EDEM3: variants seen among roughly 807,000 people sequenced by gnomAD.
The protein encoded by EDEM3 is ER degradation enhancing alpha-mannosidase like protein 3, also known as ER degradation-enhancing alpha-mannosidase-like protein 3.
A neutral mutation model predicts 110.2 loss-of-function variants in EDEM3; 60 were observed. That is an observed-to-expected ratio of 0.54 (90% confidence interval 0.44 to 0.67). The LOEUF is 0.67. EDEM3 is among the 30% of genes least tolerant of loss of function. The pLI is 0.00. For synonymous variants in EDEM3, 352 were observed against 382.9 expected (o/e 0.92, Z 0.94); for missense variants, 996 against 1,121.0 (o/e 0.89, Z 1.59).
intron 2 of EDEM3, among the ~76,000 whole-genome samples, chr1:184,738,825 T>C (rs1651975909): frequency 6.6e-6 from 1 of 152,200 alleles, no homozygotes; most frequent in Non-Finnish European, 1.5e-5. Flanking sequence ...GAGACTCTCA[T>C]ACATTATGTT....
At position 184,707,871 on chromosome 1, in the gene EDEM3, A is replaced by C. The variant is rs187756854; in HGVS notation, c.2037+282T>G. On this transcript the variant is annotated intron_variant, in intron 17 of 19. Transcript: ENST00000318130. The stretch of plus-strand genomic sequence containing the variant: ...TTCTAGTGGCTCTTAGAAAGTCTGA[A>C]AACCATTTTTAGATCAATTACAGGT... Among the ~76,000 whole-genome samples the C allele has an allele frequency of 8.5e-4, 130 of 152,328 alleles. 1 individual carries two copies. In the East Asian group the frequency reaches 0.022, roughly 26 times the overall value.
chr1:184,734,579 T>A lies in EDEM3; in HGVS notation c.410A>T (p.Asp137Val), dbSNP rs1168145724. 6.4e-7 allele frequency: 1 copy of A among 1,558,564 alleles called. No homozygotes were observed. The highest frequency in any genetic ancestry group is 8.7e-7 in the Non-Finnish European group (1 of 1,150,496). ...VRKVLRDVNL[D>V]NDVVVSVFET... ...AAAGACTGATACGACTACATCGTTA[T>A]CTAAATTAACATCTCTTAAAACTTT... The change falls in exon 5 of 20, where the codon GAT (aspartate) becomes GTT (valine). Residue 137 changes from aspartate to valine, a missense_variant. This residue lies in a region of EDEM3 where 200 missense variants were observed against 183.8 expected (regional missense o/e 1.09). Coordinates refer to ENST00000318130, the MANE Select transcript of EDEM3 (RefSeq NM_025191.4).
In EDEM3 at chr1:184,712,585, A is replaced by C. The variant is rs1650312889; in HGVS notation, c.1384T>G (p.Phe462Val). 1 of 1,535,006 alleles carries C rather than the reference A, an allele frequency of 6.5e-7. No individual in the cohort carries two copies. The highest frequency in any genetic ancestry group is 1.2e-5 in the South Asian group (1 of 82,380). The stretch of plus-strand genomic sequence containing the variant: ...AGATATTTAAACATTTCAGCCAAGA[A>C]GAAAGAATCCATTCTAAAATAAAAA... ...GSHEDRMDSFFLAEMFKYLYL... is the reference protein window; with the variant it reads ...GSHEDRMDSFVLAEMFKYLYL... Residue 462 changes from phenylalanine (F) to valine (V), a missense_variant, in exon 14 of 20, where the codon TTC becomes GTC. Transcript: ENST00000318130.
chr1:184,701,156 C>T (rs900411379), intron 19 of EDEM3, among the ~76,000 whole-genome samples: 3 of 151,986 alleles, frequency 2.0e-5, no homozygotes, highest in East Asian at 3.9e-4. Flanking sequence ...ACCATACACA[C>T]ACATGAGCTT....
Position 184,754,825 on chromosome 1 carries a change from C to A in EDEM3, c.-179G>T, listed in dbSNP as rs557485599. The A allele has an allele frequency of 1.3e-4, 135 of 1,029,142 alleles. 1 individual carries two copies. The African/African-American group carries it at 2.1e-3, about 16-fold the overall frequency. 63.8% of individuals were successfully genotyped at this position (1,029,142 alleles called of 1,614,324 possible). On this transcript the variant is annotated 5_prime_UTR_variant, in exon 1 of 20. Coordinates refer to ENST00000318130, the MANE Select transcript of EDEM3 (RefSeq NM_025191.4). ...ACCAAGCCGGTCCCCAGCGCCAGCG[C>A]TGCCACCGCCCTCCGCCCTCAGTAT...
At chr1:184,719,299 C>A in intron 10 of EDEM3, 54 bp from the exon 11 acceptor site, 2 of 1,500,744 alleles carry the variant, frequency 1.3e-6, no homozygotes, top group South Asian at 1.3e-5. Context: ...GATTTTATCT[C>A]TAATCATTAC....
At chr1:184,732,151 A>G (rs1571399579) in intron 6 of EDEM3, among the ~76,000 whole-genome samples, 1 of 152,122 alleles carries the variant, frequency 6.6e-6, no homozygotes, top group South Asian at 2.1e-4. Context: ...ACTTCAGCCT[A>G]GGTGACAGTG....
In EDEM3 at chr1:184,712,437, TTC is replaced by T; in HGVS notation, c.1530_1531del (p.Asn511HisfsTer10). The stretch of plus-strand genomic sequence containing the variant: ...ACATTTCATTTAAAAACTCACTGTG[TTC>T]TTTTTAGAGATGCTTTGATTTGTAG... On this transcript the variant is annotated frameshift_variant, in exon 14 of 20. Transcript: ENST00000318130. LOFTEE classifies it high-confidence loss of function. The T allele has an allele frequency of 6.3e-7, 1 of 1,585,892 alleles. No homozygotes were observed. Among genetic ancestry groups the T allele is most frequent in the Non-Finnish European group, 8.5e-7 (1 of 1,172,430 alleles).
At chr1:184,720,509 C>CTTTTTTTGTTTTTTTTTTTTTTTT (rs1650833986) in intron 9 of EDEM3, 1 of 127,458 alleles carries the variant, frequency 7.8e-6, no homozygotes, top group African/African-American at 3.2e-5. Flanking sequence ...ATCTCCCATA[C>CTTTTTTTGTTTTTTTTTTTTTTTT]TTTTTTTTTT....
At chr1:184,711,045 C>T (rs572806666) in intron 15 of EDEM3, among the ~76,000 whole-genome samples, 104 of 152,142 alleles carry the variant, frequency 6.8e-4, no homozygotes, top group African/African-American at 2.5e-3. Context: ...AAATCAAATC[C>T]AAACAAACAA....
At chr1:184,730,368 G>C (rs1399711792) in intron 6 of EDEM3, among the ~76,000 whole-genome samples, 1 of 152,150 alleles carries the variant, frequency 6.6e-6, no homozygotes, top group African/African-American at 2.4e-5. Context: ...GATCTCTTAA[G>C]CCCAGGAGTC....
intron 2 of EDEM3, among the ~76,000 whole-genome samples, chr1:184,746,795 C>T (rs1652452454): frequency 6.6e-6 from 1 of 152,074 alleles, no homozygotes; most frequent in Non-Finnish European, 1.5e-5. Flanking sequence ...GTAGACCAGA[C>T]TGGAGAGTAG....
At chr1:184,699,662 G>T (rs188837321) in intron 19 of EDEM3, among the ~76,000 whole-genome samples, 133 of 151,902 alleles carry the variant, frequency 8.8e-4, no homozygotes, top group African/African-American at 3.1e-3. Context: ...CAGGAAAAGT[G>T]ACCCTGCCTG....
At chr1:184,744,783 C>T (rs555430310) in intron 2 of EDEM3, among the ~76,000 whole-genome samples, 1 of 152,172 alleles carries the variant, frequency 6.6e-6, no homozygotes, top group Non-Finnish European at 1.5e-5. Flanking sequence ...AATCAACTAA[C>T]ACTACTGAGC....
At chr1:184,724,772 A>C (rs1033413876) in intron 7 of EDEM3, among the ~76,000 whole-genome samples, 1 of 152,182 alleles carries the variant, frequency 6.6e-6, no homozygotes, top group Non-Finnish European at 1.5e-5. Flanking sequence ...CTTCAAAAAG[A>C]TTTCCCTAGT....
intron 6 of EDEM3, among the ~76,000 whole-genome samples, chr1:184,728,524 CTATT>C (rs1331900689): frequency 6.6e-6 from 1 of 151,982 alleles, no homozygotes; most frequent in Admixed American, 6.6e-5. Flanking sequence ...TGTAAAAGGA[CTATT>C]TATTAACACA....
At chr1:184,729,810 A>G (rs775811463) in intron 6 of EDEM3, among the ~76,000 whole-genome samples, 8 of 151,712 alleles carry the variant, frequency 5.3e-5, no homozygotes, top group Non-Finnish European at 1.2e-4. Context: ...CATAACGCTC[A>G]TAGTATCTTC....
intron 8 of EDEM3, among the ~76,000 whole-genome samples, chr1:184,722,484 T>G (rs1650959261): frequency 6.6e-6 from 1 of 151,994 alleles, no homozygotes; most frequent in East Asian, 1.9e-4. Context: ...AAGATGACTT[T>G]TCATCAGTGG....
At chr1:184,752,951 A>G (rs558253855) in intron 1 of EDEM3, among the ~76,000 whole-genome samples, 2 of 152,232 alleles carry the variant, frequency 1.3e-5, no homozygotes, top group Non-Finnish European at 2.9e-5. Context: ...ATATTTGGTA[A>G]AACTTATCAA....
Sources: gnomAD v4.1 joint callset for allele counts (sites outside exome capture counted in the v4.1 genomes callset) on GRCh38, gnomAD v4.1.1 for gene constraint, gnomAD v4.1.1 regional missense constraint, MANE v1.5 for transcripts, NCBI Gene and HGNC (gene_info 2026-07-23, HGNC 2026-07-21) for gene names.